The following AR variants were observed in gnomAD, a reference collection of about 807,000 sequenced individuals.
The protein encoded by AR is dihydrotestosterone receptor.
In AR, 8 loss-of-function variants were observed where a neutral mutation model predicts 53.9. The ratio of observed to expected loss-of-function variants is 0.15; its 90% CI spans 0.09 to 0.27. The LOEUF (loss-of-function observed/expected upper bound fraction) is 0.27. Among genes scored for constraint, AR ranks in the 10% least tolerant of loss-of-function variants. The probability of loss-of-function intolerance (pLI) is 1.00; values close to 1 mark genes in which losing one functional copy is unlikely to be tolerated. For synonymous variants in AR, 359 were observed against 316.4 expected (o/e 1.13, Z -1.43); for missense variants, 639 against 742.5 (o/e 0.86, Z 1.62).
In AR at chrX:67,722,957, C is replaced by A. The variant is rs9332972; in HGVS notation, c.2580C>A (p.Leu860=). 6.6e-6 allele frequency: 8 copies of A among 1,209,742 alleles called. No homozygotes were observed. In the East Asian group the frequency reaches 2.4e-4, roughly 36 times the overall value. Residue 860 remains leucine (L), a synonymous_variant, in exon 7 of 8, where the codon CTC becomes CTA. Coordinates refer to ENST00000374690, the MANE Select transcript of AR (RefSeq NM_000044.6). ...PTSCSRRFYQ[L]TKLLDSVQPI... ...CCTGCTCAAGACGCTTCTACCAGCT[C>A]ACCAAGCTCCTGGACTCCGTGCAGC... is the stretch of plus-strand genomic sequence containing the variant.
At chrX:67,580,527 G>A (rs1244196663) in intron 1 of AR, among the ~76,000 whole-genome samples, 1 of 111,540 alleles carries the variant, frequency 9.0e-6, no homozygotes, top group African/African-American at 3.2e-5. Context: ...TTGTTCGCTA[G>A]TTACTCATTT....
chrX:67,715,516 G>A (rs1051973154), intron 4 of AR, among the ~76,000 whole-genome samples: 1 of 111,363 alleles, frequency 9.0e-6, no homozygotes, highest in Admixed American at 9.6e-5. Flanking sequence ...AGAACAATGT[G>A]TCTGGATAAT....
chrX:67,664,152 A>G (rs1320832727), intron 2 of AR, among the ~76,000 whole-genome samples: 8 of 111,774 alleles, frequency 7.2e-5, no homozygotes, highest in South Asian at 3.8e-4. Context: ...GCTTTGTTCC[A>G]TTGCTGGTGA....
intron 5 of AR, among the ~76,000 whole-genome samples, chrX:67,719,116 G>A (rs1171198266): frequency 9.0e-6 from 1 of 111,506 alleles, no homozygotes; most frequent in Non-Finnish European, 1.9e-5. Flanking sequence ...TGCAATGCGA[G>A]GGAGAGTGAG....
intron 3 of AR, among the ~76,000 whole-genome samples, chrX:67,688,954 A>G (rs756602519): frequency 9.0e-6 from 1 of 111,548 alleles, no homozygotes; most frequent in Non-Finnish European, 1.9e-5. Flanking sequence ...AGACATATTG[A>G]TTACCTTGAA....
intron 1 of AR, among the ~76,000 whole-genome samples, chrX:67,630,874 G>C (rs370387146): frequency 9.1e-6 from 1 of 110,027 alleles, no homozygotes; most frequent in Non-Finnish European, 1.9e-5. Context: ...GTCTGTAAAG[G>C]ATTTTATTTC....
At chrX:67,722,073 C>T in intron 6 of AR, 110 bp downstream of exon 6, 1 of 923,507 alleles carries the variant, frequency 1.1e-6, no homozygotes. Context: ...GGACATTTCC[C>T]TTCTTCATTC....
At chrX:67,595,366 A>G (rs916347593) in intron 1 of AR, among the ~76,000 whole-genome samples, 2 of 111,120 alleles carry the variant, frequency 1.8e-5, no homozygotes, top group African/African-American at 6.5e-5. Context: ...TTTTTCTTAA[A>G]AAAAAAACTT....
chrX:67,584,924 T>G (rs1394082585), intron 1 of AR, among the ~76,000 whole-genome samples: 1 of 111,404 alleles, frequency 9.0e-6, no homozygotes, highest in Non-Finnish European at 1.9e-5. Flanking sequence ...TAGGATCACT[T>G]CAGCAGTGAG....
chrX:67,598,373 C>T, intron 1 of AR, among the ~76,000 whole-genome samples: 1 of 108,121 alleles, frequency 9.2e-6, no homozygotes. Context: ...ACCTCCGCCT[C>T]ACAGGTTCAA....
intron 3 of AR, chrX:67,689,488 C>G (rs1292882255): frequency 2.7e-6 from 2 of 731,857 alleles, no homozygotes; most frequent in Admixed American, 7.1e-5. Flanking sequence ...TTCAGAGATA[C>G]TTAATAGATA....
chrX:67,616,691 G>A (rs944996173), intron 1 of AR, among the ~76,000 whole-genome samples: 1 of 111,463 alleles, frequency 9.0e-6, no homozygotes, highest in African/African-American at 3.3e-5. Flanking sequence ...AGCTGTGTTA[G>A]TTTGCTCTCT....
At chrX:67,586,267 A>G (rs1922543611) in intron 1 of AR, among the ~76,000 whole-genome samples, 1 of 111,466 alleles carries the variant, frequency 9.0e-6, no homozygotes, top group South Asian at 3.8e-4. Context: ...TCCTTCCCCC[A>G]AACACACAAA....
intron 1 of AR, among the ~76,000 whole-genome samples, 163 bp downstream of exon 1, chrX:67,546,925 G>C (rs1929789497): frequency 9.1e-6 from 1 of 110,243 alleles, no homozygotes. Flanking sequence ...GCCTGCCAGA[G>C]GTTTAACCTG....
At chrX:67,550,685 C>T (rs1455123253) in intron 1 of AR, among the ~76,000 whole-genome samples, 1 of 107,864 alleles carries the variant, frequency 9.3e-6, no homozygotes, top group Non-Finnish European at 1.9e-5. Context: ...ACAAAAAAAT[C>T]AAGTTTTGTG....
chrX:67,642,678 A>G (rs1057511769), intron 1 of AR, among the ~76,000 whole-genome samples: 1 of 111,915 alleles, frequency 8.9e-6, no homozygotes, highest in Non-Finnish European at 1.9e-5. Flanking sequence ...GACTTTTATG[A>G]TAATACTAAT....
chrX:67,549,800 T>C (rs1462877147), intron 1 of AR, among the ~76,000 whole-genome samples: 1 of 112,073 alleles, frequency 8.9e-6, no homozygotes, highest in Non-Finnish European at 1.9e-5. Flanking sequence ...TAGGTAGTAT[T>C]TTAGTAGTGC....
intron 2 of AR, 30 bp from the exon 3 acceptor site, chrX:67,685,980 G>A (rs1423279987): frequency 1.7e-6 from 2 of 1,209,447 alleles, no homozygotes; most frequent in Admixed American, 4.4e-5. Flanking sequence ...TCATTATCAG[G>A]TCTATCAACT....
At chrX:67,556,670 C>T (rs1398803886) in intron 1 of AR, among the ~76,000 whole-genome samples, 5 of 111,753 alleles carry the variant, frequency 4.5e-5, no homozygotes, top group Admixed American at 2.8e-4. Context: ...AGAATAACTT[C>T]ACAGAGTGTA....
Sources: gnomAD v4.1 joint callset for allele counts (sites outside exome capture counted in the v4.1 genomes callset) on GRCh38, gnomAD v4.1.1 for gene constraint, MANE v1.5 for transcripts, NCBI Gene and HGNC (gene_info 2026-07-23, HGNC 2026-07-21) for gene names.